The following HS3ST4 variants were observed in gnomAD, a reference collection of about 807,000 sequenced individuals.
HS3ST4 encodes heparan sulfate glucosamine 3-O-sulfotransferase 4.
A neutral mutation model predicts 29.2 loss-of-function variants in HS3ST4; 17 were observed. The ratio of observed to expected loss-of-function variants is 0.58; its 90% CI spans 0.40 to 0.87. The LOEUF is 0.87. Ranked by LOEUF, HS3ST4 falls within the 40% of genes least tolerant of loss-of-function variation. The pLI is 0.00. For missense variants in HS3ST4, 627 were observed against 634.5 expected (o/e 0.99, Z 0.13); for synonymous variants, 314 against 285.7 (o/e 1.10, Z -1.00).
intron 1 of HS3ST4, among the ~76,000 whole-genome samples, chr16:25,973,847 G>A (rs1420367174): frequency 6.6e-6 from 1 of 152,194 alleles, no homozygotes; most frequent in Non-Finnish European, 1.5e-5. Context: ...AATTGGCAGA[G>A]TGCAACCCCA....
At chr16:25,854,758 G>A (rs1202966674) in intron 1 of HS3ST4, among the ~76,000 whole-genome samples, 1 of 150,722 alleles carries the variant, frequency 6.6e-6, no homozygotes, top group African/African-American at 2.5e-5. Flanking sequence ...AGCCCTTGGT[G>A]TGGTGGTAAG....
intron 1 of HS3ST4, among the ~76,000 whole-genome samples, chr16:26,038,465 A>G (rs1336315516): frequency 4.6e-5 from 7 of 152,058 alleles, no homozygotes; most frequent in Non-Finnish European, 1.0e-4. Context: ...ACCTGAGCCT[A>G]TAGCCCCCAC....
chr16:26,105,971 G>A (rs1899050395), intron 1 of HS3ST4, among the ~76,000 whole-genome samples: 1 of 152,184 alleles, frequency 6.6e-6, no homozygotes, highest in African/African-American at 2.4e-5. Flanking sequence ...AGAAAGAGAA[G>A]ATGAAGAAGA....
chr16:25,842,494 G>A (rs1249494699), intron 1 of HS3ST4, among the ~76,000 whole-genome samples: 1 of 152,178 alleles, frequency 6.6e-6, no homozygotes, highest in Non-Finnish European at 1.5e-5. Context: ...TGTTTTGGAA[G>A]GAAGAAGCTG....
At chr16:26,094,542 T>A (rs960489215) in intron 1 of HS3ST4, among the ~76,000 whole-genome samples, 2 of 152,072 alleles carry the variant, frequency 1.3e-5, no homozygotes, top group African/African-American at 4.8e-5. Flanking sequence ...AGAAATAGAA[T>A]CCTTTACAGA....
intron 1 of HS3ST4, among the ~76,000 whole-genome samples, chr16:25,844,218 T>G (rs1161532912): frequency 6.6e-6 from 1 of 152,252 alleles, no homozygotes; most frequent in Non-Finnish European, 1.5e-5. Flanking sequence ...TTTTAATGCC[T>G]TAGTATCTGT....
chr16:25,724,369 T>A (rs1409553384), intron 1 of HS3ST4, among the ~76,000 whole-genome samples: 1 of 41,884 alleles, frequency 2.4e-5, no homozygotes, highest in Non-Finnish European at 5.9e-5. Context: ...CCTCAACTTT[T>A]TTTTTTTTTT....
At chr16:26,057,041 G>A (rs997047444) in intron 1 of HS3ST4, among the ~76,000 whole-genome samples, 5 of 152,120 alleles carry the variant, frequency 3.3e-5, no homozygotes, top group Non-Finnish European at 7.4e-5. Flanking sequence ...CTGAAACTCT[G>A]AGTGTCAACA....
chr16:25,795,896 A>G (rs1045311940), intron 1 of HS3ST4, among the ~76,000 whole-genome samples: 18 of 151,832 alleles, frequency 1.2e-4, no homozygotes, highest in African/African-American at 4.4e-4. Flanking sequence ...GCTGGCGGGT[A>G]TTTCCATCTA....
At chr16:26,099,504 G>T (rs910912592) in intron 1 of HS3ST4, among the ~76,000 whole-genome samples, 9 of 152,148 alleles carry the variant, frequency 5.9e-5, no homozygotes, top group African/African-American at 1.7e-4. Flanking sequence ...ATACTTAAAA[G>T]TTTAGATTAA....
At chr16:25,724,623 A>G (rs1966519376) in intron 1 of HS3ST4, among the ~76,000 whole-genome samples, 1 of 151,962 alleles carries the variant, frequency 6.6e-6, no homozygotes, top group South Asian at 2.1e-4. Flanking sequence ...CGGCCTCCCA[A>G]AGTGCTGGGA....
chr16:25,719,774 T>C (rs1444800785), intron 1 of HS3ST4, among the ~76,000 whole-genome samples: 1 of 152,246 alleles, frequency 6.6e-6, no homozygotes, highest in East Asian at 1.9e-4. Flanking sequence ...CCACAGTATA[T>C]TTGCTCTACA....
At chr16:25,957,740 T>C (rs1041538484) in intron 1 of HS3ST4, among the ~76,000 whole-genome samples, 1 of 152,164 alleles carries the variant, frequency 6.6e-6, no homozygotes, top group African/African-American at 2.4e-5. Flanking sequence ...TCTTAATGCA[T>C]GCACTTTAAA....
At chr16:26,022,142 A>G (rs567506902) in intron 1 of HS3ST4, among the ~76,000 whole-genome samples, 5 of 151,856 alleles carry the variant, frequency 3.3e-5, no homozygotes, top group African/African-American at 1.2e-4. Context: ...TTTTAAAATT[A>G]TTTTTTTGTA....
chr16:26,077,657 A>G (rs116262277), intron 1 of HS3ST4, among the ~76,000 whole-genome samples: 203 of 152,366 alleles, frequency 1.3e-3, no homozygotes, highest in African/African-American at 4.7e-3. Flanking sequence ...TCCCAGGCTA[A>G]TGGTATCCTG....
intron 1 of HS3ST4, among the ~76,000 whole-genome samples, chr16:25,924,729 C>G (rs1968386190): frequency 6.6e-6 from 1 of 152,128 alleles, no homozygotes; most frequent in Non-Finnish European, 1.5e-5. Flanking sequence ...AAATGTAGTC[C>G]CTTCTCAGGC....
chr16:25,895,344 C>T (rs12447945), intron 1 of HS3ST4, among the ~76,000 whole-genome samples: 44,222 of 151,902 alleles, frequency 0.29, 6,706 homozygotes, highest in Non-Finnish European at 0.31. Flanking sequence ...GGTCTGGGGA[C>T]GACATATGAG....
intron 1 of HS3ST4, among the ~76,000 whole-genome samples, chr16:25,925,632 C>G (rs1329319584): frequency 2.0e-5 from 3 of 152,172 alleles, no homozygotes; most frequent in Non-Finnish European, 4.4e-5. Context: ...GGGGAAACAT[C>G]AGAGAAATTA....
chr16:25,982,741 G>A (rs1172438459), intron 1 of HS3ST4, among the ~76,000 whole-genome samples: 2 of 152,048 alleles, frequency 1.3e-5, no homozygotes. Flanking sequence ...GAGGCAGGAG[G>A]ATCACTTGAG....
Sources: allele counts gnomAD v4.1 joint callset (sites outside exome capture counted in the v4.1 genomes callset), GRCh38; gene constraint gnomAD v4.1.1; transcripts MANE v1.5; gene names NCBI Gene and HGNC (gene_info 2026-07-23, HGNC 2026-07-21).